Variants in SUSD4 observed in about 807,000 individuals in gnomAD.
SUSD4 encodes sushi domain-containing protein 4.
Under a neutral mutation model 50.5 loss-of-function variants are expected in SUSD4, and 41 were observed. The observed-to-expected ratio is 0.81, with a 90% confidence interval of 0.63 to 1.05. The LOEUF (loss-of-function observed/expected upper bound fraction) is 1.05. SUSD4 is among the 50% of genes least tolerant of loss of function. SUSD4 has a pLI of 0.00. For synonymous variants in SUSD4, 257 were observed against 257.3 expected (o/e 1.00, Z 0.01); for missense variants, 580 against 634.7 (o/e 0.91, Z 0.93).
At chr1:223,244,901 G>A (rs1323868054) in intron 5 of SUSD4, among the ~76,000 whole-genome samples, 2 of 152,098 alleles carry the variant, frequency 1.3e-5, no homozygotes, top group Admixed American at 6.5e-5. Context: ...AGGTACAGAA[G>A]AGAGACTAAC....
chr1:223,263,599 T>C, intron 5 of SUSD4: 2 of 985,386 alleles, frequency 2.0e-6, no homozygotes, highest in Non-Finnish European at 1.2e-6. Context: ...GCTGGCCTTC[T>C]GGCTCCCTTC....
chr1:223,346,902 T>C (rs1668063109), intron 2 of SUSD4, among the ~76,000 whole-genome samples: 1 of 152,204 alleles, frequency 6.6e-6, no homozygotes, highest in Non-Finnish European at 1.5e-5. Flanking sequence ...ACCTATCTTA[T>C]GCTTGCCCCA....
chr1:223,327,144 C>T lies in SUSD4; in HGVS notation c.149-34493G>A, dbSNP rs191676518. Among the ~76,000 whole-genome samples the T allele has an allele frequency of 5.7e-3, 864 of 152,278 alleles. 11 individuals carry two copies. Among genetic ancestry groups the T allele is most frequent in the Non-Finnish European group, 7.3e-3 (496 of 68,016 alleles). On this transcript the variant is annotated intron_variant, in intron 2 of 8. Transcript: ENST00000366878. ...TGCATATATACACCATGGAATACTA[C>T]TCTGCCATGTAAAGGAACAAAATAA...
intron 2 of SUSD4, among the ~76,000 whole-genome samples, chr1:223,359,638 G>A (rs1013774204): frequency 2.6e-5 from 4 of 152,350 alleles, no homozygotes; most frequent in Admixed American, 2.6e-4. Context: ...CATCTACTGT[G>A]TGTCAGATGT....
chr1:223,273,109 T>C (rs543182140), intron 3 of SUSD4, among the ~76,000 whole-genome samples: 4 of 152,182 alleles, frequency 2.6e-5, no homozygotes, highest in Non-Finnish European at 5.9e-5. Context: ...TAATTATGTA[T>C]GGGTCTTGGA....
chr1:223,264,057 C>T (rs1055111681), intron 5 of SUSD4: 1 of 985,312 alleles, frequency 1.0e-6, no homozygotes, highest in African/African-American at 1.7e-5. Context: ...GCAGACACTG[C>T]CTTGACTCCG....
intron 2 of SUSD4, among the ~76,000 whole-genome samples, chr1:223,299,929 A>C (rs1046143411): frequency 6.6e-6 from 1 of 152,166 alleles, no homozygotes; most frequent in African/African-American, 2.4e-5. Flanking sequence ...GGAGATACCT[A>C]TCTATCTGTC....
At chr1:223,362,830 G>C (rs1669062570) in intron 2 of SUSD4, among the ~76,000 whole-genome samples, 1 of 152,030 alleles carries the variant, frequency 6.6e-6, no homozygotes, top group Non-Finnish European at 1.5e-5. Flanking sequence ...ATTCTCAAAG[G>C]TGGTTCTTAA....
At chr1:223,298,489 G>A (rs1664979859) in intron 2 of SUSD4, among the ~76,000 whole-genome samples, 3 of 152,242 alleles carry the variant, frequency 2.0e-5, no homozygotes, top group East Asian at 1.9e-4. Context: ...TGGGGGGCCA[G>A]AGGTAGGTCT....
At chr1:223,226,210 A>C (rs1029090899) in intron 7 of SUSD4, among the ~76,000 whole-genome samples, 1 of 152,196 alleles carries the variant, frequency 6.6e-6, no homozygotes, top group Non-Finnish European at 1.5e-5. Context: ...GTAATTGCTC[A>C]ATGATAGAAC....
intron 2 of SUSD4, among the ~76,000 whole-genome samples, chr1:223,331,439 C>A (rs2103271800): frequency 6.6e-6 from 1 of 152,286 alleles, no homozygotes; most frequent in South Asian, 2.1e-4. Flanking sequence ...AAAGCTCTGT[C>A]ATTTCCAGCA....
intron 2 of SUSD4, among the ~76,000 whole-genome samples, chr1:223,343,940 G>A (rs1044539576): frequency 5.3e-5 from 8 of 152,006 alleles, no homozygotes; most frequent in South Asian, 2.1e-4. Flanking sequence ...CCAAACCAAC[G>A]TGTCAACCTC....
intron 5 of SUSD4, among the ~76,000 whole-genome samples, chr1:223,263,050 A>G (rs1662232317): frequency 6.6e-6 from 1 of 152,262 alleles, no homozygotes; most frequent in Non-Finnish European, 1.5e-5. Context: ...AAAGCTTATC[A>G]GAACCTGACT....
intron 3 of SUSD4, among the ~76,000 whole-genome samples, chr1:223,279,890 T>A (rs1663570148): frequency 6.6e-6 from 1 of 152,226 alleles, no homozygotes; most frequent in Non-Finnish European, 1.5e-5. Flanking sequence ...AGCGGATCTC[T>A]CGGCAGAAAC....
At position 223,227,443 on chromosome 1, in the gene SUSD4, T is replaced by A; in HGVS notation, c.1061+151A>T. The A allele has an allele frequency of 1.9e-6, 2 of 1,073,098 alleles. No homozygotes were observed. The allele number at this position is 1,073,098 out of a possible 1,614,324, so 66.5% of individuals were successfully genotyped here. On this transcript the variant is annotated intron_variant, in intron 7 of 8. Transcript: ENST00000366878. This position sits in a 1 kb window ranked among gnomAD's most constrained non-coding sequence, Gnocchi z 4.5. Reference sequence around the variant, plus strand: ...AGGAAAATGAGGTCTGTCTCCAGCTTTGTGCTCAAAACATCCCAGAACATT... The same window carrying A: ...AGGAAAATGAGGTCTGTCTCCAGCTATGTGCTCAAAACATCCCAGAACATT...
chr1:223,291,641 T>C lies in SUSD4; in HGVS notation c.361+798A>G, dbSNP rs1173067203. 5.3e-5 allele frequency among the ~76,000 whole-genome samples: 8 copies of C among 152,268 alleles called. No individual in the cohort carries two copies. The South Asian group carries it at 1.0e-3, about 20-fold the overall frequency. The stretch of plus-strand genomic sequence containing the variant: ...CAGTGTTAAGAGAAACTGAAACTAA[T>C]TTCAAATGAACTCAATGAAATATAA... On this transcript the variant is annotated intron_variant, in intron 3 of 8. Transcript: ENST00000366878.
At position 223,223,607 on chromosome 1, in the gene SUSD4, ACTG is replaced by A; in HGVS notation, c.1083_1085del (p.Ser362del). On this transcript the variant is annotated inframe_deletion, in exon 8 of 9. Transcript: ENST00000366878. ...CGTCTACCACCACAAAGTCAGGGTC[ACTG>A]CTGGAACTCCGGGGAGGCCCCCTGT... 6.2e-7 allele frequency: 1 copy of A among 1,608,974 alleles called. No homozygotes were observed. The highest frequency in any genetic ancestry group is 1.1e-5 in the South Asian group (1 of 90,746).
rs535479974 is a variant in SUSD4 at position 223,307,171 on chromosome 1, T to C, written c.149-14520A>G. ...CCACCACATCCAGCCAGTCTCTTCT[T>C]GAAAAAACCTCCCAAAGCACAAGCA... On this transcript the variant is annotated intron_variant, in intron 2 of 8. Transcript: ENST00000366878. Among the ~76,000 whole-genome samples, 22 of 152,286 alleles carry C rather than the reference T, an allele frequency of 1.4e-4. No homozygotes were observed. The East Asian group carries it at 4.1e-3, about 28-fold the overall frequency.
chr1:223,346,743 A>G (rs1208687763), intron 2 of SUSD4, among the ~76,000 whole-genome samples: 8 of 152,356 alleles, frequency 5.3e-5, no homozygotes, highest in Non-Finnish European at 1.2e-4. Context: ...TATGTAAAGC[A>G]CTTCAAAAGT....
Sources: allele counts gnomAD v4.1 joint callset (sites outside exome capture counted in the v4.1 genomes callset), GRCh38; gene constraint gnomAD v4.1.1; non-coding constraint Gnocchi (gnomAD v3.1); transcripts MANE v1.5; gene names NCBI Gene and HGNC (gene_info 2026-07-23, HGNC 2026-07-21).